TUT7: variants seen among roughly 807,000 people sequenced by gnomAD.
TUT7 encodes terminal uridylyl transferase 7, also known as terminal uridylyltransferase 7.
In TUT7, 33 loss-of-function variants were observed where a neutral mutation model predicts 165.9. The observed-to-expected ratio is 0.20, with a 90% CI of 0.15 to 0.27. The LOEUF (loss-of-function observed/expected upper bound fraction) is 0.27, where lower values mean the gene tolerates loss of function less well. Ranked by LOEUF, TUT7 falls within the 10% of genes least tolerant of loss-of-function variation. The pLI is 1.00. For missense variants in TUT7, 1,338 were observed against 1,762.3 expected, an observed-to-expected ratio of 0.76 and a Z score of 4.31; for synonymous variants, 552 against 608.1, an observed-to-expected ratio of 0.91 and a Z score of 1.36.
At chr9:86,348,521 G>A (rs1831977086) in intron 2 of TUT7, among the ~76,000 whole-genome samples, 1 of 152,136 alleles carries the variant, frequency 6.6e-6, no homozygotes, top group Non-Finnish European at 1.5e-5. Context: ...GGGAGGGTAA[G>A]GTGGGAGGAC....
chr9:86,328,527 G>T, intron 10 of TUT7, 35 bp from the exon 11 acceptor site: 2 of 1,550,204 alleles, frequency 1.3e-6, no homozygotes, highest in Non-Finnish European at 1.8e-6. Context: ...AAATAAGATA[G>T]AAATAATCTT....
chr9:86,334,520 C>G (rs1259469762), intron 10 of TUT7, among the ~76,000 whole-genome samples: 3 of 152,204 alleles, frequency 2.0e-5, no homozygotes, highest in Non-Finnish European at 4.4e-5. Context: ...GTAAGCTGTG[C>G]TTCACTGTAT....
chr9:86,337,851 C>T (rs914986033), intron 9 of TUT7, among the ~76,000 whole-genome samples: 1 of 152,100 alleles, frequency 6.6e-6, no homozygotes, highest in African/African-American at 2.4e-5. Flanking sequence ...GTTTAGAATA[C>T]ATGTTAATGA....
intron 26 of TUT7, among the ~76,000 whole-genome samples, chr9:86,300,200 G>T (rs1468738113): frequency 6.6e-6 from 1 of 152,074 alleles, no homozygotes; most frequent in Non-Finnish European, 1.5e-5. Context: ...AAATTTTTAA[G>T]TATTTTGATC....
chr9:86,344,987 G>C lies in TUT7; in HGVS notation c.987C>G (p.His329Gln). The change falls in exon 5 of 27, where the codon CAC (histidine) becomes CAG (glutamine). Residue 329 changes from histidine to glutamine, a missense_variant. Physicochemically the swap from His to Gln is conservative, Grantham distance 24. Coordinates refer to ENST00000375963, the MANE Select transcript of TUT7 (RefSeq NM_024617.4). ...AAATCTAGAAAATACCTGGTAACTTGTGTTGGAACACATTTTCCATGATAC... is the reference window on the plus strand; with the variant it reads ...AAATCTAGAAAATACCTGGTAACTTCTGTTGGAACACATTTTCCATGATAC... ...IKRIMENVFQ[H>Q]KLPDCSLRLY... 6.2e-7 allele frequency: 1 copy of C among 1,611,500 alleles called. No individual in the cohort carries two copies. The highest frequency in any genetic ancestry group is 8.5e-7 in the Non-Finnish European group (1 of 1,179,020).
At chr9:86,305,389 CA>C (rs948233279) in intron 22 of TUT7, 150 bp from the exon 23 acceptor site, 120 of 575,984 alleles carry the variant, frequency 2.1e-4, no homozygotes, top group African/African-American at 5.1e-4. Context: ...AAAAGAAGTG[CA>C]AAAAAAAGTT....
At position 86,344,961 on chromosome 9, in the gene TUT7, C is replaced by T; in HGVS notation, c.997+16G>A. The T allele has an allele frequency of 1.3e-6, 2 of 1,590,792 alleles. No individual in the cohort carries two copies. The highest frequency in any genetic ancestry group is 2.3e-5 in the South Asian group (2 of 87,496). On this transcript the variant is annotated intron_variant, in intron 5 of 26. Coordinates refer to ENST00000375963, the MANE Select transcript of TUT7 (RefSeq NM_024617.4). ...ACTTTTAGGTAGTTAAATAGAAAAA[C>T]AAATCTAGAAAATACCTGGTAACTT...
At chr9:86,318,010 C>A (rs1828891475) in intron 16 of TUT7, among the ~76,000 whole-genome samples, 1 of 152,148 alleles carries the variant, frequency 6.6e-6, no homozygotes. Context: ...ATACTTTATT[C>A]AAATTCAGGC....
At position 86,323,098 on chromosome 9, in the gene TUT7, A is replaced by C; in HGVS notation, c.2652T>G (p.Thr884=). 6.2e-7 allele frequency: 1 copy of C among 1,614,100 alleles called. No individual in the cohort carries two copies. The change falls in exon 13 of 27, where the codon ACT becomes ACG. Residue 884 remains threonine (T), a synonymous_variant. Transcript: ENST00000375963. ...ANEDELDNTY[T]GSGDEDALSE... ...ATAGGGCGTCCTCATCCCCTGACCC[A>C]GTGTAGGTGTTGTCTAACTCATCTT...
chr9:86,297,386 G>A (rs974637925), intron 26 of TUT7, among the ~76,000 whole-genome samples: 11 of 152,166 alleles, frequency 7.2e-5, no homozygotes, highest in Admixed American at 2.6e-4. Flanking sequence ...TGGAGGATAA[G>A]GCAGTCTCTC....
chr9:86,296,493 C>G (rs7874500), intron 26 of TUT7, among the ~76,000 whole-genome samples: 58,822 of 152,030 alleles, frequency 0.39, 12,478 homozygotes, highest in Middle Eastern at 0.61. Context: ...GATTTTCTAT[C>G]TACTGTGATC....
chr9:86,346,335 C>T lies in TUT7; in HGVS notation c.666G>A (p.Glu222=). 6.2e-7 allele frequency: 1 copy of T among 1,614,042 alleles called. No individual in the cohort carries two copies. Among genetic ancestry groups the T allele is most frequent in the East Asian group, 2.2e-5 (1 of 44,876 alleles). ...KELLGLQQAE[E]RLKRDCIDRL... ...TGTCAATGCAGTCTCTCTTCAGTCT[C>T]TCCTCAGCCTGCTGTAAGCCTAGCA... Residue 222 remains glutamate (E), a synonymous_variant, in exon 3 of 27, where the codon GAG becomes GAA. Transcript: ENST00000375963.
intron 9 of TUT7, 109 bp downstream of exon 9, chr9:86,338,714 G>C (rs1189356064): frequency 4.9e-6 from 6 of 1,223,028 alleles, no homozygotes; most frequent in African/African-American, 1.6e-5. Flanking sequence ...TTTCTCTTTT[G>C]ATGTCTATAA....
chr9:86,339,112 A>G (rs1214958640), intron 8 of TUT7, among the ~76,000 whole-genome samples, 163 bp from the exon 9 acceptor site: 1 of 152,258 alleles, frequency 6.6e-6, no homozygotes, highest in African/African-American at 2.4e-5. Flanking sequence ...GAGTAATTTA[A>G]TAAATTTTCT....
At chr9:86,334,867 C>T (rs1830634973) in intron 10 of TUT7, among the ~76,000 whole-genome samples, 1 of 152,038 alleles carries the variant, frequency 6.6e-6, no homozygotes, top group South Asian at 2.1e-4. Context: ...TCAGAGTTGC[C>T]TTTAGGGGTA....
chr9:86,353,273 G>C, intron 1 of TUT7, 43 bp from the exon 2 acceptor site: 1 of 1,436,176 alleles, frequency 7.0e-7, no homozygotes, highest in South Asian at 1.4e-5. Context: ...TATATAACAA[G>C]ATATCATACA....
In TUT7 at chr9:86,302,630, T is replaced by C. The variant is rs569951875; in HGVS notation, c.4094+456A>G. 1.9e-3 allele frequency among the ~76,000 whole-genome samples: 293 copies of C among 151,306 alleles called. 1 individual carries two copies. Among genetic ancestry groups the C allele is most frequent in the Admixed American group, 4.1e-3 (62 of 15,180 alleles). On this transcript the variant is annotated intron_variant, in intron 25 of 26. Coordinates refer to ENST00000375963, the MANE Select transcript of TUT7 (RefSeq NM_024617.4). ...ACTACACCTGGGCTTTTTTTTTTTT[T>C]TTCTGAGACAGAATCTTGCTCTTTT...
At position 86,354,364 on chromosome 9, in the gene TUT7, C is replaced by G. The variant is rs1485301220; in HGVS notation, c.-125G>C. 2 of 152,824 alleles carry G rather than the reference C, an allele frequency of 1.3e-5. No individual in the cohort carries two copies. Among genetic ancestry groups the G allele is most frequent in the African/African-American group, 2.4e-5 (1 of 41,464 alleles). The allele number at this position is 152,824 out of a possible 1,614,324, so 9.5% of individuals were successfully genotyped here. On this transcript the variant is annotated 5_prime_UTR_variant, in exon 1 of 27. Transcript: ENST00000375963. ...GTCTGGCAGGGACGTTGGGAGAAGG[C>G]GCCCAAGAGCACTCACCACCTTCGC... is the stretch of plus-strand genomic sequence containing the variant.
intron 25 of TUT7, chr9:86,301,976 A>G: frequency 2.2e-6 from 1 of 445,572 alleles, no homozygotes; most frequent in Non-Finnish European, 3.0e-6. Flanking sequence ...GGCACTGGAA[A>G]TTTTAGATGT....
Sources: allele counts gnomAD v4.1 joint callset (sites outside exome capture counted in the v4.1 genomes callset), GRCh38; gene constraint gnomAD v4.1.1; transcripts MANE v1.5; gene names NCBI Gene and HGNC (gene_info 2026-07-23, HGNC 2026-07-21).